Variants in SDK1 observed in about 807,000 individuals in gnomAD.
SDK1 encodes sidekick cell adhesion molecule 1, also known as protein sidekick-1.
Under a neutral mutation model 245.5 loss-of-function variants are expected in SDK1, and 157 were observed. That is an observed-to-expected ratio of 0.64 (90% CI 0.56 to 0.73). The LOEUF is 0.73. SDK1 is among the 30% of genes least tolerant of loss of function. The pLI, the probability that SDK1 is intolerant of heterozygous loss-of-function variation, is 0.00. For synonymous variants in SDK1, 1,647 were observed against 1,278.5 expected (o/e 1.29, Z -6.15); for missense variants, 3,583 against 3,002.3 (o/e 1.19, Z -4.52).
chr7:3,588,544 C>T lies in SDK1; in HGVS notation c.299-30536C>T, dbSNP rs975699689. 4.6e-5 allele frequency among the ~76,000 whole-genome samples: 7 copies of T among 152,116 alleles called. No homozygotes were observed. The South Asian group carries it at 1.0e-3, about 23-fold the overall frequency. ...TGTGCTGGACAGGTGCCAGGTCCTGCGATCCTGCAGGGTGCGTTCCTAGAT... is the reference window on the plus strand; with the variant it reads ...TGTGCTGGACAGGTGCCAGGTCCTGTGATCCTGCAGGGTGCGTTCCTAGAT... On this transcript the variant is annotated intron_variant, in intron 1 of 44. Coordinates refer to ENST00000404826, the MANE Select transcript of SDK1 (RefSeq NM_152744.4).
chr7:3,445,828 C>G (rs1400589740), intron 1 of SDK1, among the ~76,000 whole-genome samples: 1 of 151,884 alleles, frequency 6.6e-6, no homozygotes, highest in Non-Finnish European at 1.5e-5. Context: ...TTGTGTTTAC[C>G]CATATTTTTG....
At chr7:3,418,697 T>C (rs1779450963) in intron 1 of SDK1, among the ~76,000 whole-genome samples, 1 of 152,182 alleles carries the variant, frequency 6.6e-6, no homozygotes, top group Non-Finnish European at 1.5e-5. Flanking sequence ...GGAGGTGCCA[T>C]GGGCAGATAC....
In SDK1 at chr7:3,504,758, C is replaced by A. The variant is rs76473635; in HGVS notation, c.299-114322C>A. Among the ~76,000 whole-genome samples the A allele has an allele frequency of 2.9e-3, 432 of 149,924 alleles. 2 individuals carry two copies. The East Asian group carries it at 0.039, about 14-fold the overall frequency. ...AGGCAGTTGTTTCTTAGACATTACA[C>A]TAAAAGCACAAACAACAGAAGGAAA... On this transcript the variant is annotated intron_variant, in intron 1 of 44. Coordinates refer to ENST00000404826, the MANE Select transcript of SDK1 (RefSeq NM_152744.4).
intron 1 of SDK1, among the ~76,000 whole-genome samples, chr7:3,482,515 A>G (rs2128602545): frequency 6.6e-6 from 1 of 152,308 alleles, no homozygotes; most frequent in South Asian, 2.1e-4. Context: ...TGAGAAAGAA[A>G]TCTCTGCGCA....
At chr7:3,346,407 C>G (rs1389423809) in intron 1 of SDK1, among the ~76,000 whole-genome samples, 1 of 152,178 alleles carries the variant, frequency 6.6e-6, no homozygotes, top group Non-Finnish European at 1.5e-5. Context: ...TTCCTGCCAG[C>G]ACTACAACGT....
chr7:3,591,661 G>A (rs927746304), intron 1 of SDK1, among the ~76,000 whole-genome samples: 2 of 152,230 alleles, frequency 1.3e-5, no homozygotes, highest in Admixed American at 6.5e-5. Flanking sequence ...TGGGTGGGAA[G>A]TGTTAATGAT....
At chr7:3,346,822 TA>T (rs1389126098) in intron 1 of SDK1, among the ~76,000 whole-genome samples, 7 of 84,770 alleles carry the variant, frequency 8.3e-5, no homozygotes, top group Admixed American at 2.5e-4. Flanking sequence ...TATATATATA[TA>T]TATATTTTTT....
chr7:4,177,072 G>A (rs1782260346), intron 34 of SDK1, among the ~76,000 whole-genome samples: 1 of 152,240 alleles, frequency 6.6e-6, no homozygotes, highest in African/African-American at 2.4e-5. Context: ...TTGTGTTCAG[G>A]CATTCTGTAG....
intron 17 of SDK1, among the ~76,000 whole-genome samples, chr7:4,037,116 C>G (rs546349689): frequency 1.1e-4 from 17 of 152,248 alleles, no homozygotes; most frequent in Admixed American, 2.6e-4. Flanking sequence ...TTTGGACAGC[C>G]AATGCTTGTC....
chr7:3,518,993 A>G (rs1782841113), intron 1 of SDK1, among the ~76,000 whole-genome samples: 2 of 152,094 alleles, frequency 1.3e-5, no homozygotes, highest in South Asian at 4.1e-4. Context: ...CTGTCATTTG[A>G]GACAACAGGG....
chr7:3,713,168 C>G (rs1055682439), intron 4 of SDK1, among the ~76,000 whole-genome samples: 1 of 152,198 alleles, frequency 6.6e-6, no homozygotes, highest in Non-Finnish European at 1.5e-5. Flanking sequence ...ATAAGCACTT[C>G]CTTCAAAGCT....
chr7:3,805,227 A>ACAGTTAAATTTTAAAG (rs1779211859), intron 4 of SDK1, among the ~76,000 whole-genome samples: 1 of 152,204 alleles, frequency 6.6e-6, no homozygotes, highest in Non-Finnish European at 1.5e-5. Context: ...TTGTATTCTG[A>ACAGTTAAATTTTAAAG]AACCCTTGCT....
chr7:4,202,502 G>GACTCTCCAGAAA (rs1321301476), intron 35 of SDK1, among the ~76,000 whole-genome samples: 1 of 152,182 alleles, frequency 6.6e-6, no homozygotes, highest in Non-Finnish European at 1.5e-5. Context: ...TGAGTTGTTT[G>GACTCTCCAGAAA]GTCACGTGGG....
intron 4 of SDK1, among the ~76,000 whole-genome samples, chr7:3,668,864 AT>A (rs755595747): frequency 7.2e-5 from 11 of 152,210 alleles, no homozygotes; most frequent in Non-Finnish European, 1.6e-4. Context: ...CATTTTCACC[AT>A]TGTGTCACTA....
At chr7:4,109,934 C>A (rs1351916210) in intron 22 of SDK1, among the ~76,000 whole-genome samples, 1 of 152,130 alleles carries the variant, frequency 6.6e-6, no homozygotes, top group Non-Finnish European at 1.5e-5. Context: ...GACCATGGGG[C>A]AGGAGCAAAG....
At chr7:4,058,940 A>C (rs1779370531) in intron 19 of SDK1, among the ~76,000 whole-genome samples, 1 of 152,210 alleles carries the variant, frequency 6.6e-6, no homozygotes, top group South Asian at 2.1e-4. Flanking sequence ...AAACACACAA[A>C]TAAGGAAGAG....
intron 4 of SDK1, among the ~76,000 whole-genome samples, chr7:3,670,284 T>G (rs1029029563): frequency 2.0e-5 from 3 of 152,166 alleles, no homozygotes; most frequent in Non-Finnish European, 4.4e-5. Context: ...TTTGTGTAAT[T>G]CAGTTCCTTC....
intron 37 of SDK1, 38 bp from the exon 38 acceptor site, chr7:4,209,987 A>G: frequency 6.6e-7 from 1 of 1,515,050 alleles, no homozygotes; most frequent in Non-Finnish European, 8.8e-7. Flanking sequence ...TCTATGTAGG[A>G]GCCCCTGTAA....
intron 1 of SDK1, among the ~76,000 whole-genome samples, chr7:3,425,668 T>G (rs891407195): frequency 6.6e-6 from 1 of 152,152 alleles, no homozygotes; most frequent in African/African-American, 2.4e-5. Context: ...TAGAAATGTA[T>G]TTGTTTAATT....
Sources: allele counts gnomAD v4.1 joint callset (sites outside exome capture counted in the v4.1 genomes callset), GRCh38; gene constraint gnomAD v4.1.1; transcripts MANE v1.5; gene names NCBI Gene and HGNC (gene_info 2026-07-23, HGNC 2026-07-21).